Variants in GNAI3 observed in about 807,000 individuals in gnomAD.
GNAI3 encodes guanine nucleotide-binding protein G(i) subunit alpha-3.
GNAI3 carries 12 observed loss-of-function variants against 41.8 expected under a neutral mutation model. The ratio of observed to expected loss-of-function variants is 0.29; its 90% CI spans 0.18 to 0.47. GNAI3 has a LOEUF of 0.47. Ranked by LOEUF, GNAI3 falls within the 20% of genes least tolerant of loss-of-function variation. GNAI3 has a pLI of 1.00. For missense variants in GNAI3, 360 were observed against 429.6 expected, an observed-to-expected ratio of 0.84 and a Z score of 1.43; for synonymous variants, 132 against 146.5, an observed-to-expected ratio of 0.90 and a Z score of 0.71.
chr1:109,586,961 T>A, intron 7 of GNAI3, 79 bp downstream of exon 7: 1 of 455,100 alleles, frequency 2.2e-6, no homozygotes, highest in Non-Finnish European at 3.7e-6. Flanking sequence ...TAAAACTGCC[T>A]TTTTTTTTTT....
intron 3 of GNAI3, among the ~76,000 whole-genome samples, chr1:109,575,125 G>C (rs1648701839): frequency 6.6e-6 from 1 of 152,174 alleles, no homozygotes; most frequent in Non-Finnish European, 1.5e-5. Context: ...TTATATTTTT[G>C]TGAAATATAT....
In GNAI3 at chr1:109,579,370, T is replaced by G. The variant is rs761085567; in HGVS notation, c.461+9T>G. 3 of 1,602,228 alleles carry G rather than the reference T, an allele frequency of 1.9e-6. No homozygotes were observed. In the South Asian group the frequency reaches 3.3e-5, roughly 18 times the overall value. On this transcript the variant is annotated intron_variant, in intron 4 of 8. Coordinates refer to ENST00000369851, the MANE Select transcript of GNAI3 (RefSeq NM_006496.4). ...AATGATTCTGCTTCATAGTAAGTAA[T>G]TTTTCTCTGTGAAACTATAACAGAG...
At chr1:109,571,114 A>G (rs574083925) in intron 1 of GNAI3, among the ~76,000 whole-genome samples, 5 of 152,320 alleles carry the variant, frequency 3.3e-5, no homozygotes, top group African/African-American at 1.2e-4. Flanking sequence ...GTCATTTAAC[A>G]TTTTTGGCTT....
intron 1 of GNAI3, among the ~76,000 whole-genome samples, chr1:109,559,473 T>A (rs946585193): frequency 2.0e-5 from 3 of 152,188 alleles, no homozygotes; most frequent in South Asian, 2.1e-4. Flanking sequence ...TCAGGGGTCC[T>A]TTGTCTGTGA....
In GNAI3 at chr1:109,596,970, G is replaced by C. The variant is rs979690701; in HGVS notation, c.*4648G>C. On this transcript the variant is annotated 3_prime_UTR_variant, in exon 9 of 9. Transcript: ENST00000369851. ...AAATCTCTTGGGACCAGAAGTGTTT[G>C]AGAGTTCAGATTTTTGTGAGGTTTT... The C allele has an allele frequency of 6.6e-6, 1 of 152,146 alleles. No homozygotes were observed. The highest frequency in any genetic ancestry group is 1.5e-5 in the Non-Finnish European group (1 of 68,028). The allele number at this position is 152,146 out of a possible 1,614,324, so 9.4% of individuals were successfully genotyped here. A position where few individuals can be genotyped will look rare whatever the true frequency, so the allele number is the denominator to read the frequency against.
At chr1:109,575,264 CT>C (rs1648705651) in intron 3 of GNAI3, among the ~76,000 whole-genome samples, 1 of 152,000 alleles carries the variant, frequency 6.6e-6, no homozygotes, top group Admixed American at 6.6e-5. Flanking sequence ...TTCTTTTCCT[CT>C]TTTTCTTCTT....
chr1:109,548,786 C>T lies in GNAI3; in HGVS notation c.66C>T (p.Asn22=), dbSNP rs777791999. Residue 22 remains asparagine, a synonymous_variant, in exon 1 of 9, where the codon AAC becomes AAT. Transcript: ENST00000369851. ...AVERSKMIDR[N]LREDGEKAAK... is the part of the protein sequence containing the mutation. The stretch of plus-strand genomic sequence containing the variant: ...AGCGAAGCAAGATGATCGACCGCAA[C>T]TTACGGGAGGACGGGGAAAAAGCGG... 1 of 1,613,448 alleles carries T rather than the reference C, an allele frequency of 6.2e-7. No individual in the cohort carries two copies. The highest frequency in any genetic ancestry group is 1.1e-5 in the South Asian group (1 of 90,894).
intron 1 of GNAI3, among the ~76,000 whole-genome samples, chr1:109,555,965 T>TGCGTGCGTGCGTGCGTGCGTGC (rs759790449): frequency 1.0e-4 from 10 of 99,386 alleles, no homozygotes; most frequent in South Asian, 6.8e-4. Flanking sequence ...CGTGCGTGCG[T>TGCGTGCGTGCGTGCGTGCGTGC]GTGTGTGTGT....
At chr1:109,585,215 G>A (rs544918499) in intron 5 of GNAI3, among the ~76,000 whole-genome samples, 1 of 152,328 alleles carries the variant, frequency 6.6e-6, no homozygotes, top group African/African-American at 2.4e-5. Context: ...CAATTTGCAT[G>A]TGTACATCAT....
chr1:109,582,540 T>G lies in GNAI3; in HGVS notation c.565T>G (p.Phe189Val). The G allele has an allele frequency of 1.9e-6, 3 of 1,608,312 alleles. No individual in the cohort carries two copies. The highest frequency in any genetic ancestry group is 2.6e-6 in the Non-Finnish European group (3 of 1,174,758). The change falls in exon 5 of 9, where the codon TTC becomes GTC. Residue 189 changes from phenylalanine to valine, a missense_variant. Phe to Val is a conservative substitution (Grantham distance 50, BLOSUM62 -1). Transcript: ENST00000369851. ...VKTTGIVETHFTFKDLYFKMF... is the reference protein window; with the variant it reads ...VKTTGIVETHVTFKDLYFKMF... Reference sequence around the variant, plus strand: ...GACCACAGGCATTGTAGAAACACATTTCACCTTCAAAGACCTATACTTCAA... The same window carrying G: ...GACCACAGGCATTGTAGAAACACATGTCACCTTCAAAGACCTATACTTCAA...
chr1:109,582,777 G>T (rs1037876402), intron 5 of GNAI3, among the ~76,000 whole-genome samples: 1 of 152,082 alleles, frequency 6.6e-6, no homozygotes, highest in African/African-American at 2.4e-5. Flanking sequence ...CCTTTTAGAG[G>T]AATTTAAATT....
chr1:109,549,321 G>T (rs866857922), intron 1 of GNAI3, among the ~76,000 whole-genome samples: 15 of 152,324 alleles, frequency 9.8e-5, no homozygotes, highest in Middle Eastern at 3.4e-3. Context: ...GAACAGAATG[G>T]TCACATAAGG....
chr1:109,569,523 A>G (rs111241400), intron 1 of GNAI3, among the ~76,000 whole-genome samples: 4 of 152,216 alleles, frequency 2.6e-5, no homozygotes, highest in Non-Finnish European at 5.9e-5. Context: ...GCTTGGGGAA[A>G]ACGCAACAAT....
At chr1:109,567,965 G>T (rs1648497727) in intron 1 of GNAI3, among the ~76,000 whole-genome samples, 1 of 144,828 alleles carries the variant, frequency 6.9e-6, no homozygotes, top group African/African-American at 2.7e-5. Flanking sequence ...GGACTCAGGG[G>T]ATAGTGTTTT....
chr1:109,571,417 C>A (rs905517157), intron 1 of GNAI3, among the ~76,000 whole-genome samples: 2 of 152,160 alleles, frequency 1.3e-5, no homozygotes, highest in African/African-American at 4.8e-5. Flanking sequence ...TCAGTTCTGC[C>A]ACTTACTAAC....
chr1:109,573,819 C>T, intron 2 of GNAI3, 40 bp downstream of exon 2: 1 of 1,591,836 alleles, frequency 6.3e-7, no homozygotes, highest in Non-Finnish European at 8.6e-7. Context: ...TAGGATTTCT[C>T]CTAATGCATA....
intron 4 of GNAI3, among the ~76,000 whole-genome samples, chr1:109,581,916 CAAAA>C (rs1044194428): frequency 7.2e-6 from 1 of 139,356 alleles, no homozygotes; most frequent in African/African-American, 2.5e-5. Context: ...CAAAACAAAA[CAAAA>C]AAACCTACTT....
At chr1:109,573,091 C>T (rs746809161) in intron 1 of GNAI3, among the ~76,000 whole-genome samples, 2 of 152,006 alleles carry the variant, frequency 1.3e-5, no homozygotes, top group African/African-American at 2.4e-5. Flanking sequence ...ATATAGGCAT[C>T]TTGGAAGATA....
In GNAI3 at chr1:109,592,035, C is replaced by T. The variant is rs200735767; in HGVS notation, c.875-8C>T. The T allele has an allele frequency of 4.4e-6, 7 of 1,581,830 alleles. No homozygotes were observed. In the Admixed American group the frequency reaches 5.1e-5, roughly 12 times the overall value. The stretch of plus-strand genomic sequence containing the variant: ...ATTTGAACTGAGAGTACTGGGTGTC[C>T]GTTTTAGGTTCCAATACATATGAAG... On this transcript the variant is annotated splice_region_variant and splice_polypyrimidine_tract_variant and intron_variant, in intron 7 of 8. Coordinates refer to ENST00000369851, the MANE Select transcript of GNAI3 (RefSeq NM_006496.4).
Sources: gnomAD v4.1 joint callset for allele counts (sites outside exome capture counted in the v4.1 genomes callset) on GRCh38, gnomAD v4.1.1 for gene constraint, MANE v1.5 for transcripts, NCBI Gene and HGNC (gene_info 2026-07-23, HGNC 2026-07-21) for gene names.